SLC25A14: variants seen among roughly 807,000 people sequenced by gnomAD.
SLC25A14 encodes the protein solute carrier family 25 member 14.
Under a neutral mutation model 28.1 loss-of-function variants are expected in SLC25A14, and 8 were observed. That is an observed-to-expected ratio of 0.28 (90% CI 0.17 to 0.51). The LOEUF (loss-of-function observed/expected upper bound fraction) is 0.51. Among genes scored for constraint, SLC25A14 ranks in the 20% least tolerant of loss-of-function variants. The probability of loss-of-function intolerance (pLI) is 0.97; values close to 1 mark genes in which losing one functional copy is unlikely to be tolerated. For synonymous variants in SLC25A14, 74 were observed against 90.6 expected, an observed-to-expected ratio of 0.82 and a Z score of 1.04; for missense variants, 135 against 263.8, an observed-to-expected ratio of 0.51 and a Z score of 3.38.
intron 7 of SLC25A14, among the ~76,000 whole-genome samples, chrX:130,363,101 TC>T (rs771548164): frequency 8.9e-6 from 1 of 112,654 alleles, no homozygotes; most frequent in East Asian, 2.8e-4. Context: ...TTTAATTGTT[TC>T]TAGTATATTC....
intron 6 of SLC25A14, among the ~76,000 whole-genome samples, chrX:130,356,054 C>T (rs947363238): frequency 2.7e-5 from 3 of 110,524 alleles, no homozygotes; most frequent in Non-Finnish European, 3.8e-5. Context: ...CGTGACAGCC[C>T]GATTTCTCCT....
At chrX:130,370,768 G>A (rs924512767) in intron 9 of SLC25A14, among the ~76,000 whole-genome samples, 5 of 112,091 alleles carry the variant, frequency 4.5e-5, no homozygotes, top group African/African-American at 1.3e-4. Flanking sequence ...ATCAATTTGT[G>A]TATTTGTCAG....
chrX:130,365,676 G>T lies in SLC25A14; in HGVS notation c.855G>T (p.Lys285Asn). The T allele has an allele frequency of 8.4e-7, 1 of 1,195,186 alleles. No individual in the cohort carries two copies. ...LYKGTVDGIL[K>N]MWKHEGFFAL... ...AGGGCACTGTTGATGGTATTTTAAAGGTAAGTACATTGTGGATTTGGGTTA... is the reference window on the plus strand; with the variant it reads ...AGGGCACTGTTGATGGTATTTTAAATGTAAGTACATTGTGGATTTGGGTTA... The change falls in exon 9 of 11, where the codon AAG (lysine) becomes AAT (asparagine). Residue 285 changes from lysine to asparagine, a missense_variant and splice_region_variant. Coordinates refer to ENST00000545805, the MANE Select transcript of SLC25A14 (RefSeq NM_001282195.2).
intron 9 of SLC25A14, 36 bp from the exon 10 acceptor site, chrX:130,371,528 G>A (rs774866530): frequency 9.4e-7 from 1 of 1,063,509 alleles, no homozygotes; most frequent in Admixed American, 2.2e-5. Flanking sequence ...AGAGAAAGGT[G>A]AATTCACTCT....
intron 7 of SLC25A14, among the ~76,000 whole-genome samples, chrX:130,362,285 A>AT (rs1304180884): frequency 9.2e-6 from 1 of 108,853 alleles, no homozygotes; most frequent in Non-Finnish European, 1.9e-5. Flanking sequence ...TATTATTATT[A>AT]TTTTTTTAAG....
rs968006675 is a variant in SLC25A14, at chrX:130,372,840, G to A, written c.937-69G>A. Reference sequence around the variant, plus strand: ...AGACTACCTTAATTTAAGAGAATGCGATGCTAATTTTAGAACTAGCTTTGG... The same window carrying A: ...AGACTACCTTAATTTAAGAGAATGCAATGCTAATTTTAGAACTAGCTTTGG... On this transcript the variant is annotated intron_variant, in intron 10 of 10. Transcript: ENST00000545805. The A allele has an allele frequency of 4.8e-5, 34 of 706,761 alleles. No individual in the cohort carries two copies. The African/African-American group carries it at 5.3e-4, about 11-fold the overall frequency. 58.2% of individuals were successfully genotyped at this position (706,761 alleles called of 1,213,427 possible).
chrX:130,371,487 TG>T, intron 9 of SLC25A14, 76 bp from the exon 10 acceptor site: 1 of 705,359 alleles, frequency 1.4e-6, no homozygotes. Flanking sequence ...TAAGTTGCCC[TG>T]GGGTGGGAGT....
chrX:130,360,882 A>G (rs2033947432), intron 7 of SLC25A14, among the ~76,000 whole-genome samples: 1 of 111,799 alleles, frequency 8.9e-6, no homozygotes, highest in South Asian at 3.7e-4. Context: ...ACTGATCTCC[A>G]GAACTCTTTA....
chrX:130,365,295 C>A, intron 8 of SLC25A14: 1 of 932,382 alleles, frequency 1.1e-6, no homozygotes, highest in Non-Finnish European at 1.3e-6. Flanking sequence ...ACTTAGGAAT[C>A]TTGTTAGGTT....
chrX:130,353,723 C>T (rs769536218), intron 6 of SLC25A14, among the ~76,000 whole-genome samples: 40 of 111,891 alleles, frequency 3.6e-4, no homozygotes, highest in Non-Finnish European at 7.5e-5. Context: ...TATCTCTTTT[C>T]TTACCTTCTC....
intron 9 of SLC25A14, among the ~76,000 whole-genome samples, chrX:130,366,912 C>T (rs2034132560): frequency 9.0e-6 from 1 of 111,486 alleles, no homozygotes; most frequent in Admixed American, 9.6e-5. Flanking sequence ...TAAACTATAT[C>T]AGGTGACTGC....
intron 6 of SLC25A14, among the ~76,000 whole-genome samples, chrX:130,358,383 C>T: frequency 8.9e-6 from 1 of 111,870 alleles, no homozygotes; most frequent in East Asian, 2.8e-4. Flanking sequence ...TTTCTTCTAG[C>T]TCCAGAAATA....
At position 130,373,274 on chromosome X, in the gene SLC25A14, G is replaced by GC. The variant is rs2034307476; in HGVS notation, c.*325dup. 4.3e-6 allele frequency: 1 copy of GC among 232,348 alleles called. No homozygotes were observed. The allele number at this position is 232,348 out of a possible 1,213,427, so 19.1% of individuals were successfully genotyped here. A position where few individuals can be genotyped will look rare whatever the true frequency, so the allele number is the denominator to read the frequency against. ...TGTAATTGGTTAGCCCCAGACTTGGGCTAGAGCAGAAGGCATAGGCCAGGG... is the reference window on the plus strand; with the variant it reads ...TGTAATTGGTTAGCCCCAGACTTGGGCCTAGAGCAGAAGGCATAGGCCAGGG... On this transcript the variant is annotated 3_prime_UTR_variant, in exon 11 of 11. Coordinates refer to ENST00000545805, the MANE Select transcript of SLC25A14 (RefSeq NM_001282195.2).
At chrX:130,367,524 T>C (rs1388728424) in intron 9 of SLC25A14, among the ~76,000 whole-genome samples, 1 of 111,781 alleles carries the variant, frequency 8.9e-6, no homozygotes, top group Non-Finnish European at 1.9e-5. Flanking sequence ...TTCATGGATA[T>C]AGATAAAAGC....
In SLC25A14 at chrX:130,364,747, C is replaced by T. The variant is rs764686397; in HGVS notation, c.714C>T (p.His238=). 3.3e-6 allele frequency: 4 copies of T among 1,204,456 alleles called. No homozygotes were observed. Among genetic ancestry groups the T allele is most frequent in the Middle Eastern group, 2.3e-4 (1 of 4,309 alleles). The change falls in exon 8 of 11, where the codon CAC becomes CAT. Residue 238 remains histidine (H), a synonymous_variant. Transcript: ENST00000545805. The part of the protein sequence containing the change: ...SGMMGDTILT[H]FVSSFTCGLA... ...TGATGGGCGATACAATTTTAACTCA[C>T]TTCGTGTAAGTAGGATGGGATGTGC...
intron 2 of SLC25A14, among the ~76,000 whole-genome samples, chrX:130,344,980 C>A (rs1413796310): frequency 1.8e-5 from 2 of 111,372 alleles, no homozygotes; most frequent in Non-Finnish European, 3.8e-5. Context: ...ACACGCCTAC[C>A]CCTACAAAAT....
rs755066251 is a variant in SLC25A14 at position 130,350,788 on chromosome X, C to T, written c.498+57C>T. Reference sequence around the variant, plus strand: ...CATAACTTTGAGTCAGATTTGGGTTCAGATTCCCACTCTGTCACTTGCCAG... The same window carrying T: ...CATAACTTTGAGTCAGATTTGGGTTTAGATTCCCACTCTGTCACTTGCCAG... On this transcript the variant is annotated intron_variant, in intron 6 of 10. Transcript: ENST00000545805. 6 of 706,472 alleles carry T rather than the reference C, an allele frequency of 8.5e-6. No individual in the cohort carries two copies. In the South Asian group the frequency reaches 1.7e-4, roughly 19 times the overall value. The allele number at this position is 706,472 out of a possible 1,213,427, so 58.2% of individuals were successfully genotyped here. A position where few individuals can be genotyped will look rare whatever the true frequency, so the allele number is the denominator to read the frequency against.
intron 2 of SLC25A14, among the ~76,000 whole-genome samples, chrX:130,340,683 A>G (rs1225761969): frequency 9.1e-6 from 1 of 110,272 alleles, no homozygotes; most frequent in Non-Finnish European, 1.9e-5. Context: ...GGGGAAGTCT[A>G]TCTCTAACCT....
At position 130,355,375 on chromosome X, in the gene SLC25A14, T is replaced by G. The variant is rs764008185; in HGVS notation, c.499-3265T>G. 3.6e-5 allele frequency among the ~76,000 whole-genome samples: 4 copies of G among 112,565 alleles called. No homozygotes were observed. The South Asian group carries it at 1.5e-3, about 42-fold the overall frequency. Reference sequence around the variant, plus strand: ...CTTTAACAGTTTAAATCTTTAAATATGTAGTTTTGGAGAAACAATTTCAAA... The same window carrying G: ...CTTTAACAGTTTAAATCTTTAAATAGGTAGTTTTGGAGAAACAATTTCAAA... On this transcript the variant is annotated intron_variant, in intron 6 of 10. Transcript: ENST00000545805.
Sources: allele counts gnomAD v4.1 joint callset (sites outside exome capture counted in the v4.1 genomes callset), GRCh38; gene constraint gnomAD v4.1.1; transcripts MANE v1.5; gene names NCBI Gene and HGNC (gene_info 2026-07-23, HGNC 2026-07-21).